Variants in ANTXR1 observed in about 807,000 individuals in gnomAD.
ANTXR1 encodes anthrax toxin receptor 1.
Under a neutral mutation model 78.1 loss-of-function variants are expected in ANTXR1, and 19 were observed. The ratio of observed to expected loss-of-function variants is 0.24; its 90% CI spans 0.17 to 0.36. The LOEUF is 0.36. Among genes scored for constraint, ANTXR1 ranks in the 10% least tolerant of loss-of-function variants. The pLI is 1.00. For synonymous variants in ANTXR1, 273 were observed against 260.5 expected, an observed-to-expected ratio of 1.05 and a Z score of -0.46; for missense variants, 518 against 718.6, an observed-to-expected ratio of 0.72 and a Z score of 3.19.
In ANTXR1 at chr2:69,176,602, G is replaced by A. The variant is rs115124848; in HGVS notation, c.1090-5184G>A. 5.5e-3 allele frequency among the ~76,000 whole-genome samples: 840 copies of A among 152,190 alleles called. 8 individuals are homozygous for A. The highest frequency in any genetic ancestry group is 0.019 in the African/African-American group (789 of 41,488). On this transcript the variant is annotated intron_variant, in intron 14 of 17. Transcript: ENST00000303714. ...CTCTATAAATGTAAACAATATTGTC[G>A]ACAGCTGAGTTCTCTTTATTTTCTC...
intron 14 of ANTXR1, among the ~76,000 whole-genome samples, chr2:69,181,246 T>G (rs1674268168): frequency 6.6e-6 from 1 of 152,128 alleles, no homozygotes; most frequent in Admixed American, 6.5e-5. Flanking sequence ...CAACAGATTT[T>G]AGATCTTTAA....
chr2:69,183,474 C>T (rs530401975), intron 16 of ANTXR1, among the ~76,000 whole-genome samples: 1 of 152,120 alleles, frequency 6.6e-6, no homozygotes, highest in East Asian at 1.9e-4. Flanking sequence ...GTGATCTCTG[C>T]TCACTGCAAC....
chr2:69,051,383 A>C (rs74263538), intron 3 of ANTXR1, among the ~76,000 whole-genome samples: 2 of 152,118 alleles, frequency 1.3e-5, no homozygotes, highest in Admixed American at 6.5e-5. Context: ...AATTTTATAC[A>C]TTTTGACATG....
chr2:69,125,894 C>G (rs1415875626), intron 12 of ANTXR1, among the ~76,000 whole-genome samples: 1 of 151,938 alleles, frequency 6.6e-6, no homozygotes, highest in Non-Finnish European at 1.5e-5. Context: ...TCCAAAATAA[C>G]CTTTGTCGGC....
At chr2:69,076,240 G>A (rs548003378) in intron 7 of ANTXR1, among the ~76,000 whole-genome samples, 2 of 152,064 alleles carry the variant, frequency 1.3e-5, no homozygotes, top group African/African-American at 4.8e-5. Flanking sequence ...GCCTCCTAAA[G>A]TGTTGAGATT....
At chr2:69,233,089 AT>A (rs1675664320) in intron 17 of ANTXR1, among the ~76,000 whole-genome samples, 1 of 152,150 alleles carries the variant, frequency 6.6e-6, no homozygotes, top group Non-Finnish European at 1.5e-5. Context: ...ACCTGAATAA[AT>A]CAATATCTGT....
In ANTXR1 at chr2:69,223,340, C is replaced by A. The variant is rs558348871; in HGVS notation, c.1435-21885C>A. ...TAAATTCTCTAATTCCTGTGTCACT[C>A]TCCAAGTCCCCTGCAGTCTTCCTCC... On this transcript the variant is annotated intron_variant, in intron 17 of 17. Transcript: ENST00000303714. Among the ~76,000 whole-genome samples, 4 of 152,362 alleles carry A rather than the reference C, an allele frequency of 2.6e-5. No homozygotes were observed. The East Asian group carries it at 5.8e-4, about 22-fold the overall frequency.
At chr2:69,061,536 A>G (rs1393808565) in intron 3 of ANTXR1, among the ~76,000 whole-genome samples, 2 of 151,936 alleles carry the variant, frequency 1.3e-5, no homozygotes, top group South Asian at 2.1e-4. Context: ...TCATTCATCA[A>G]TTGGCATGCC....
chr2:69,041,577 CA>C (rs1302523974), intron 2 of ANTXR1, among the ~76,000 whole-genome samples: 1 of 152,188 alleles, frequency 6.6e-6, no homozygotes. Flanking sequence ...GCAACCGTAG[CA>C]ATTCACCAAC....
chr2:69,094,140 T>C (rs1308109711), intron 9 of ANTXR1, among the ~76,000 whole-genome samples: 1 of 152,214 alleles, frequency 6.6e-6, no homozygotes, highest in African/African-American at 2.4e-5. Flanking sequence ...CGGATGCCTG[T>C]CAGATAGAGC....
intron 3 of ANTXR1, among the ~76,000 whole-genome samples, chr2:69,069,828 A>G (rs908343536): frequency 1.3e-5 from 2 of 152,192 alleles, no homozygotes; most frequent in African/African-American, 4.8e-5. Context: ...TCCACCCTGT[A>G]CCACTAAAAA....
At chr2:69,022,614 A>C (rs568184821) in intron 1 of ANTXR1, among the ~76,000 whole-genome samples, 1 of 152,228 alleles carries the variant, frequency 6.6e-6, no homozygotes, top group Non-Finnish European at 1.5e-5. Context: ...GAGGTTCTCA[A>C]CCAAGGGCCA....
chr2:69,090,956 T>C (rs200029323), intron 9 of ANTXR1, 37 bp downstream of exon 9: 3 of 1,600,620 alleles, frequency 1.9e-6, no homozygotes, highest in East Asian at 2.2e-5. Flanking sequence ...TTTCATACAA[T>C]TGATGATATT....
intron 2 of ANTXR1, among the ~76,000 whole-genome samples, chr2:69,040,596 CTG>C (rs1391189901): frequency 1.3e-5 from 2 of 152,178 alleles, no homozygotes; most frequent in Non-Finnish European, 2.9e-5. Context: ...CGCTCTCTAG[CTG>C]TGTGTACTAT....
rs557746681 is a variant in ANTXR1, at chr2:69,185,858, T to C, written c.1353+3198T>C. Among the ~76,000 whole-genome samples, 548 of 152,252 alleles carry C rather than the reference T, an allele frequency of 3.6e-3. 2 individuals are homozygous for C. The highest frequency in any genetic ancestry group is 6.3e-3 in the Non-Finnish European group (428 of 68,014). On this transcript the variant is annotated intron_variant, in intron 16 of 17. Coordinates refer to ENST00000303714, the MANE Select transcript of ANTXR1 (RefSeq NM_032208.3). The stretch of plus-strand genomic sequence containing the variant: ...GATGCCGGTGGACTTGAAGAGCTCC[T>C]CGGCAGGACTCCCTCGTTAGGACGT...
intron 3 of ANTXR1, among the ~76,000 whole-genome samples, chr2:69,057,538 C>T (rs560804328): frequency 1.3e-5 from 2 of 152,230 alleles, no homozygotes; most frequent in Middle Eastern, 3.4e-3. Flanking sequence ...TGCCACAAAC[C>T]ACACACATGT....
At position 69,077,433 on chromosome 2, in the gene ANTXR1, A is replaced by G; in HGVS notation, c.587A>G (p.Asp196Gly). The change falls in exon 8 of 18, where the codon GAT (aspartate) becomes GGT (glycine). Residue 196 changes from aspartate to glycine, a missense_variant. Around this residue, in one of 5 missense-constraint regions of ANTXR1, gnomAD observed 264 missense variants for 391.8 expected, o/e 0.67. Coordinates refer to ENST00000303714, the MANE Select transcript of ANTXR1 (RefSeq NM_032208.3). The part of the protein sequence containing the change: ...TQLARIADSK[D>G]HVFPVNDGFQ... Reference sequence around the variant, plus strand: ...CTGGCCCGGATTGCGGACAGTAAGGATCATGTGTTTCCCGTGAATGACGGC... The same window carrying G: ...CTGGCCCGGATTGCGGACAGTAAGGGTCATGTGTTTCCCGTGAATGACGGC... 6.2e-7 allele frequency: 1 copy of G among 1,614,074 alleles called. No individual in the cohort carries two copies. The highest frequency in any genetic ancestry group is 1.1e-5 in the South Asian group (1 of 91,072).
intron 10 of ANTXR1, among the ~76,000 whole-genome samples, chr2:69,120,247 G>A (rs1672297217): frequency 6.6e-6 from 1 of 152,028 alleles, no homozygotes; most frequent in Non-Finnish European, 1.5e-5. Flanking sequence ...TAGTTGTATG[G>A]GTACTCACCA....
intron 8 of ANTXR1, among the ~76,000 whole-genome samples, chr2:69,083,025 C>T (rs1573855127): frequency 6.6e-6 from 1 of 152,194 alleles, no homozygotes; most frequent in Non-Finnish European, 1.5e-5. Context: ...CAATCTATTC[C>T]ATGGTATATA....
Sources: allele counts gnomAD v4.1 joint callset (sites outside exome capture counted in the v4.1 genomes callset), GRCh38; gene constraint gnomAD v4.1.1; regional missense constraint gnomAD v4.1.1; transcripts MANE v1.5; gene names NCBI Gene and HGNC (gene_info 2026-07-23, HGNC 2026-07-21).